PIP5K1B: variants seen among roughly 807,000 people sequenced by gnomAD.
PIP5K1B encodes phosphatidylinositol 4-phosphate 5-kinase type-1 beta.
PIP5K1B carries 42 observed loss-of-function variants against 67.0 expected under a neutral mutation model. The ratio of observed to expected loss-of-function variants is 0.63; its 90% confidence interval spans 0.49 to 0.81. PIP5K1B has a LOEUF of 0.81. PIP5K1B is among the 30% of genes least tolerant of loss of function. The pLI is 0.00. For missense variants in PIP5K1B, 459 were observed against 646.3 expected (o/e 0.71, Z 3.14); for synonymous variants, 214 against 231.4 (o/e 0.92, Z 0.68).
chr9:68,903,996 C>T (rs1419848873), intron 8 of PIP5K1B, among the ~76,000 whole-genome samples: 2 of 152,174 alleles, frequency 1.3e-5, no homozygotes, highest in Non-Finnish European at 1.5e-5. Context: ...AACTTTGAGC[C>T]AGACAATCTA....
chr9:68,796,949 C>A (rs951267285), intron 2 of PIP5K1B, among the ~76,000 whole-genome samples: 2 of 152,072 alleles, frequency 1.3e-5, no homozygotes, highest in Non-Finnish European at 2.9e-5. Context: ...ATTTTATGCA[C>A]CTAAAAATGA....
intron 14 of PIP5K1B, among the ~76,000 whole-genome samples, chr9:68,977,846 T>C (rs940561512): frequency 6.6e-6 from 1 of 151,822 alleles, no homozygotes; most frequent in African/African-American, 2.4e-5. Flanking sequence ...AGTAGAGATG[T>C]GGTTTCACCC....
At chr9:68,816,264 G>A (rs987988523) in intron 2 of PIP5K1B, among the ~76,000 whole-genome samples, 1 of 152,090 alleles carries the variant, frequency 6.6e-6, no homozygotes, top group Non-Finnish European at 1.5e-5. Flanking sequence ...GAGTAGCTGG[G>A]ATTACAGGCA....
At chr9:68,910,014 C>G (rs889660737) in intron 8 of PIP5K1B, among the ~76,000 whole-genome samples, 29 of 152,114 alleles carry the variant, frequency 1.9e-4, no homozygotes, top group Non-Finnish European at 3.8e-4. Context: ...GAGCAGAGGA[C>G]AGGAAAACTA....
At chr9:68,941,138 A>G (rs1479167745) in intron 14 of PIP5K1B, 1 of 465,664 alleles carries the variant, frequency 2.1e-6, no homozygotes, top group Non-Finnish European at 4.3e-6. Context: ...AGCTGCAAAG[A>G]TATTGTAATA....
chr9:68,952,834 CCTTCCTTCCTTT>C (rs1338275909), intron 14 of PIP5K1B, among the ~76,000 whole-genome samples: 117 of 149,830 alleles, frequency 7.8e-4, no homozygotes, highest in African/African-American at 2.5e-3. Context: ...TGCCTTCCTT[CCTTCCTTCCTTT>C]CTTCCTTCCT....
At chr9:68,867,434 C>T (rs780480193) in intron 5 of PIP5K1B, among the ~76,000 whole-genome samples, 1 of 152,192 alleles carries the variant, frequency 6.6e-6, no homozygotes, top group African/African-American at 2.4e-5. Context: ...TCAGTGTCTT[C>T]GTGGATTTAG....
intron 2 of PIP5K1B, among the ~76,000 whole-genome samples, chr9:68,813,923 T>C (rs1833296295): frequency 6.6e-6 from 1 of 152,218 alleles, no homozygotes; most frequent in South Asian, 2.1e-4. Context: ...AATAAATCTC[T>C]GTCATTTGAA....
chr9:69,006,427 C>T (rs1338323549), intron 15 of PIP5K1B, among the ~76,000 whole-genome samples: 1 of 152,154 alleles, frequency 6.6e-6, no homozygotes, highest in Non-Finnish European at 1.5e-5. Context: ...ACGCCCTTCA[C>T]ACATTCTGAG....
At chr9:68,782,154 G>A (rs1241091698) in intron 2 of PIP5K1B, 1 of 167,164 alleles carries the variant, frequency 6.0e-6, no homozygotes. Flanking sequence ...CCATTGATTA[G>A]ACAAAGGTAC....
rs142722587 is a variant in PIP5K1B, at chr9:68,824,031, G to A, written c.69+1348G>A. 3.0e-4 allele frequency: 155 copies of A among 510,270 alleles called. 2 individuals are homozygous for A. Among genetic ancestry groups the A allele is most frequent in the African/African-American group, 2.5e-3 (128 of 51,594 alleles). The allele number at this position is 510,270 out of a possible 1,614,324, so 31.6% of individuals were successfully genotyped here. A position where few individuals can be genotyped will look rare whatever the true frequency, so the allele number is the denominator to read the frequency against. ...AAAGATTCAAGAGCTCAGAAGTGCCGCAGTATATTTTATAAAATTTGTACA... is the reference window on the plus strand; with the variant it reads ...AAAGATTCAAGAGCTCAGAAGTGCCACAGTATATTTTATAAAATTTGTACA... On this transcript the variant is annotated intron_variant, in intron 4 of 15. Coordinates refer to ENST00000265382, the MANE Select transcript of PIP5K1B (RefSeq NM_003558.4).
intron 2 of PIP5K1B, among the ~76,000 whole-genome samples, chr9:68,763,157 A>G (rs1359048196): frequency 6.6e-6 from 1 of 152,146 alleles, no homozygotes; most frequent in Non-Finnish European, 1.5e-5. Flanking sequence ...TGAAGGATCA[A>G]TAGGAAATGG....
intron 12 of PIP5K1B, among the ~76,000 whole-genome samples, chr9:68,925,086 G>A (rs1183772526): frequency 6.6e-6 from 1 of 150,828 alleles, no homozygotes; most frequent in Admixed American, 6.6e-5. Context: ...ACCATTTGAA[G>A]TTGCAACACA....
At chr9:68,817,223 C>T (rs1258833685) in intron 2 of PIP5K1B, among the ~76,000 whole-genome samples, 2 of 152,178 alleles carry the variant, frequency 1.3e-5, no homozygotes, top group African/African-American at 4.8e-5. Flanking sequence ...TTAAAGATGG[C>T]GAACACCAGT....
chr9:68,981,210 A>G (rs1300229019), intron 14 of PIP5K1B, among the ~76,000 whole-genome samples: 4 of 152,184 alleles, frequency 2.6e-5, no homozygotes, highest in African/African-American at 9.7e-5. Context: ...TAATGTGGGG[A>G]GTTAAAGGAT....
At chr9:68,742,935 GTC>G (rs1001946953) in intron 2 of PIP5K1B, among the ~76,000 whole-genome samples, 4 of 152,166 alleles carry the variant, frequency 2.6e-5, no homozygotes, top group Non-Finnish European at 5.9e-5. Context: ...TGGATAGTAG[GTC>G]TCTCTCTTTT....
intron 1 of PIP5K1B, among the ~76,000 whole-genome samples, chr9:68,707,134 T>C (rs999255096): frequency 6.6e-6 from 1 of 152,136 alleles, no homozygotes; most frequent in African/African-American, 2.4e-5. Flanking sequence ...GGTTCTGATA[T>C]GGTCCTGTGG....
intron 2 of PIP5K1B, among the ~76,000 whole-genome samples, chr9:68,803,512 C>T (rs2131992302): frequency 6.6e-6 from 1 of 152,262 alleles, no homozygotes; most frequent in South Asian, 2.1e-4. Context: ...GCCAGGCATA[C>T]CAGGAAGGGA....
At chr9:68,873,791 G>A (rs1470903529) in intron 5 of PIP5K1B, among the ~76,000 whole-genome samples, 1 of 151,996 alleles carries the variant, frequency 6.6e-6, no homozygotes, top group East Asian at 1.9e-4. Context: ...ACTGGGCCTC[G>A]TGAAACTCAG....
Sources: allele counts gnomAD v4.1 joint callset (sites outside exome capture counted in the v4.1 genomes callset), GRCh38; gene constraint gnomAD v4.1.1; transcripts MANE v1.5; gene names NCBI Gene and HGNC (gene_info 2026-07-23, HGNC 2026-07-21).